POU6F2: variants seen among roughly 807,000 people sequenced by gnomAD.
POU6F2 encodes the protein POU domain, class 6, transcription factor 2.
POU6F2 carries 31 observed loss-of-function variants against 71.3 expected under a neutral mutation model. The observed-to-expected ratio is 0.43, with a 90% CI of 0.33 to 0.59. POU6F2 has a LOEUF of 0.59. Among genes scored for constraint, POU6F2 ranks in the 20% least tolerant of loss-of-function variants. The probability of loss-of-function intolerance (pLI) is 0.04; values close to 1 mark genes in which losing one functional copy is unlikely to be tolerated. For synonymous variants in POU6F2, 347 were observed against 355.7 expected (o/e 0.98, Z 0.27); for missense variants, 783 against 856.8 (o/e 0.91, Z 1.07).
At chr7:39,229,336 C>T (rs1434100059) in intron 4 of POU6F2, among the ~76,000 whole-genome samples, 1 of 152,218 alleles carries the variant, frequency 6.6e-6, no homozygotes, top group South Asian at 2.1e-4. Flanking sequence ...TTCCCGACCT[C>T]GGACTTTCCT....
At chr7:39,380,493 A>T (rs563040988) in intron 5 of POU6F2, among the ~76,000 whole-genome samples, 1 of 152,328 alleles carries the variant, frequency 6.6e-6, no homozygotes, top group East Asian at 1.9e-4. Flanking sequence ...TAGCAGAAGG[A>T]TGCTCTGAAA....
chr7:39,334,870 G>C (rs1033928700), intron 4 of POU6F2, among the ~76,000 whole-genome samples: 1 of 152,184 alleles, frequency 6.6e-6, no homozygotes, highest in African/African-American at 2.4e-5. Context: ...CTACATCAGG[G>C]AACACAGGTT....
chr7:39,204,231 C>T lies in POU6F2; in HGVS notation c.278-4C>T, dbSNP rs1292368114. ...TAAGGGAGTATTTCTCTTTTGAATT[C>T]CAGGGGCTAGAGGAAACCCAGCATT... On this transcript the variant is annotated splice_polypyrimidine_tract_variant and splice_region_variant and intron_variant, in intron 2 of 9. Transcript: ENST00000518318. 3.1e-6 allele frequency: 5 copies of T among 1,612,756 alleles called. No homozygotes were observed. The highest frequency in any genetic ancestry group is 1.7e-5 in the Admixed American group (1 of 59,956).
intron 4 of POU6F2, among the ~76,000 whole-genome samples, chr7:39,310,003 C>T (rs1052149594): frequency 2.0e-5 from 3 of 152,088 alleles, no homozygotes; most frequent in South Asian, 2.1e-4. Flanking sequence ...GGCAGATAAG[C>T]GGTGGAGAAT....
chr7:39,327,096 T>G (rs181571264), intron 4 of POU6F2, among the ~76,000 whole-genome samples: 71 of 152,028 alleles, frequency 4.7e-4, no homozygotes, highest in East Asian at 4.1e-3. Flanking sequence ...TGGCTAACAC[T>G]GTGAAACCCC....
intron 4 of POU6F2, among the ~76,000 whole-genome samples, chr7:39,222,291 T>C (rs1177556977): frequency 6.6e-6 from 1 of 152,246 alleles, no homozygotes; most frequent in Non-Finnish European, 1.5e-5. Context: ...GTTGAATGCT[T>C]GAAAATTTTA....
chr7:39,264,747 A>G (rs980167545), intron 4 of POU6F2, among the ~76,000 whole-genome samples: 1 of 152,156 alleles, frequency 6.6e-6, no homozygotes, highest in African/African-American at 2.4e-5. Flanking sequence ...CAGAGGATAT[A>G]TGTGCAAATA....
In POU6F2 at chr7:39,265,856, A is replaced by G. The variant is rs149538886; in HGVS notation, c.598+58236A>G. ...TAGAGCGGTGTGCAGACGACTCACTATGAGTCTGAGTTAATGACTGAAGAA... is the reference window on the plus strand; with the variant it reads ...TAGAGCGGTGTGCAGACGACTCACTGTGAGTCTGAGTTAATGACTGAAGAA... On this transcript the variant is annotated intron_variant, in intron 4 of 9. Coordinates refer to ENST00000518318, the MANE Select transcript of POU6F2 (RefSeq NM_001370959.1). 3.6e-4 allele frequency among the ~76,000 whole-genome samples: 55 copies of G among 152,346 alleles called. No homozygotes were observed. In the East Asian group the frequency reaches 9.8e-3, roughly 27 times the overall value.
chr7:39,255,500 G>T (rs1784003464), intron 4 of POU6F2, among the ~76,000 whole-genome samples: 1 of 152,170 alleles, frequency 6.6e-6, no homozygotes, highest in South Asian at 2.1e-4. Context: ...AAGCTGACAT[G>T]TATTTGGTGG....
At chr7:39,020,584 A>G (rs540250512) in intron 1 of POU6F2, among the ~76,000 whole-genome samples, 2 of 152,260 alleles carry the variant, frequency 1.3e-5, no homozygotes, top group Admixed American at 6.5e-5. Context: ...CATCTGTAAG[A>G]TACAATGTTT....
chr7:39,126,644 A>G (rs1257252885), intron 2 of POU6F2, among the ~76,000 whole-genome samples: 2 of 152,220 alleles, frequency 1.3e-5, no homozygotes, highest in East Asian at 3.8e-4. Context: ...ACCTCAGCCA[A>G]CAAAGATGGT....
At chr7:39,298,219 G>A (rs139729920) in intron 4 of POU6F2, among the ~76,000 whole-genome samples, 17,669 of 152,176 alleles carry the variant, frequency 0.12, 1,221 homozygotes, top group East Asian at 0.17. Flanking sequence ...GCATCAGAGT[G>A]AACAGGCAGC....
At chr7:39,427,942 C>T (rs2299127) in intron 6 of POU6F2, among the ~76,000 whole-genome samples, 43,995 of 152,048 alleles carry the variant, frequency 0.29, 6,780 homozygotes, top group East Asian at 0.52. Context: ...AGTGAAAACA[C>T]TCAGGACACT....
intron 1 of POU6F2, chr7:39,006,910 C>T: frequency 6.3e-7 from 1 of 1,587,082 alleles, no homozygotes; most frequent in South Asian, 1.1e-5. Context: ...TAGGAAATTT[C>T]CACAAATTTA....
At chr7:39,005,686 T>C (rs1260346838) in intron 1 of POU6F2, among the ~76,000 whole-genome samples, 3 of 152,026 alleles carry the variant, frequency 2.0e-5, no homozygotes, top group Non-Finnish European at 4.4e-5. Context: ...AGGGTATAAA[T>C]GCAAGAGAAT....
chr7:39,319,635 C>T (rs1436416100), intron 4 of POU6F2, among the ~76,000 whole-genome samples: 4 of 152,326 alleles, frequency 2.6e-5, no homozygotes, highest in South Asian at 2.1e-4. Context: ...AAGTGCCAGC[C>T]ACCAGGGCCA....
intron 5 of POU6F2, among the ~76,000 whole-genome samples, chr7:39,345,345 G>A (rs1300408203): frequency 5.9e-5 from 9 of 152,086 alleles, no homozygotes; most frequent in African/African-American, 1.9e-4. Context: ...GCAAAAATCC[G>A]CCAAAGTCAA....
chr7:39,286,537 TAC>T (rs948789136), intron 4 of POU6F2, among the ~76,000 whole-genome samples: 1 of 152,192 alleles, frequency 6.6e-6, no homozygotes, highest in African/African-American at 2.4e-5. Flanking sequence ...TTCTCTCAAA[TAC>T]AGTTTTCTGG....
chr7:39,245,869 A>G (rs866081885), intron 4 of POU6F2, among the ~76,000 whole-genome samples: 12 of 152,248 alleles, frequency 7.9e-5, no homozygotes, highest in Middle Eastern at 3.4e-3. Context: ...CCTCACCACT[A>G]TTTCCAACCC....
Sources: allele counts gnomAD v4.1 joint callset (sites outside exome capture counted in the v4.1 genomes callset), GRCh38; gene constraint gnomAD v4.1.1; transcripts MANE v1.5; gene names NCBI Gene and HGNC (gene_info 2026-07-23, HGNC 2026-07-21).